Variants in KIF26B observed in about 807,000 individuals in gnomAD.
KIF26B encodes kinesin-like protein KIF26B.
Under a neutral mutation model 151.2 loss-of-function variants are expected in KIF26B, and 63 were observed. That is an observed-to-expected ratio of 0.42 (90% CI 0.34 to 0.51). The LOEUF is 0.51. Among genes scored for constraint, KIF26B ranks in the 20% least tolerant of loss-of-function variants. The pLI, the probability that KIF26B is intolerant of heterozygous loss-of-function variation, is 0.07. For missense variants in KIF26B, 2,813 were observed against 2,913.6 expected (o/e 0.97, Z 0.79); for synonymous variants, 1,357 against 1,262.1 (o/e 1.08, Z -1.59).
At chr1:245,319,905 C>T (rs561611820) in intron 2 of KIF26B, among the ~76,000 whole-genome samples, 1 of 152,282 alleles carries the variant, frequency 6.6e-6, no homozygotes, top group Admixed American at 6.5e-5. Context: ...GCTGTGGATT[C>T]CTTACGTGCG....
chr1:245,275,484 C>G (rs144171024), intron 2 of KIF26B, among the ~76,000 whole-genome samples: 22,521 of 152,128 alleles, frequency 0.15, 1,826 homozygotes, highest in African/African-American at 0.2. Flanking sequence ...AGTCTTTAAT[C>G]CATCTTGAGA....
chr1:245,611,962 G>T lies in KIF26B; in HGVS notation c.2084G>T (p.Ser695Ile), dbSNP rs370313704. 1.9e-6 allele frequency: 3 copies of T among 1,612,066 alleles called. No homozygotes were observed. The South Asian group carries it at 3.3e-5, about 18-fold the overall frequency. Residue 695 changes from serine to isoleucine, a missense_variant, in exon 9 of 15, where the codon AGC becomes ATC. Coordinates refer to ENST00000407071, the MANE Select transcript of KIF26B (RefSeq NM_018012.4). The part of the protein sequence containing the change: ...LHIYQYRMEK[S>I]GKGGMSGGRS... ...ATCTACCAGTACCGGATGGAGAAGAGCGGGAAAGGGGGAAGTAAGTCGGCC... is the reference window on the plus strand; with the variant it reads ...ATCTACCAGTACCGGATGGAGAAGATCGGGAAAGGGGGAAGTAAGTCGGCC...
intron 4 of KIF26B, among the ~76,000 whole-genome samples, chr1:245,422,071 G>A (rs1254958097): frequency 1.3e-5 from 2 of 152,100 alleles, no homozygotes; most frequent in Non-Finnish European, 2.9e-5. Context: ...ACTTCAGAAC[G>A]ACAAGGGCTT....
intron 4 of KIF26B, among the ~76,000 whole-genome samples, chr1:245,477,615 G>T (rs980614667): frequency 6.6e-6 from 1 of 151,824 alleles, no homozygotes; most frequent in Non-Finnish European, 1.5e-5. Flanking sequence ...GGAAGTGGGG[G>T]AGCTGAACCA....
Position 245,686,038 on chromosome 1 carries a change from C to T in KIF26B, c.3055C>T (p.Pro1019Ser). 1 of 1,594,814 alleles carries T rather than the reference C, an allele frequency of 6.3e-7. No individual in the cohort carries two copies. Among genetic ancestry groups the T allele is most frequent in the East Asian group, 2.3e-5 (1 of 43,630 alleles). ...PAAAPAHSPS[P>S]ASPRSVPGSS... ...CGCGGCACCCGCCCACAGCCCCAGC[C>T]CGGCCTCACCCAGGAGCGTCCCGGG... The change falls in exon 12 of 15, where the codon CCG (proline) becomes TCG (serine). Residue 1019 changes from proline to serine, a missense_variant. Physicochemically the swap from Pro to Ser is moderately conservative, Grantham distance 74 (BLOSUM62 -1). Coordinates refer to ENST00000407071, the MANE Select transcript of KIF26B (RefSeq NM_018012.4). The surrounding 1 kb of genome is among the most constrained non-coding windows in gnomAD (Gnocchi z 5.6).
intron 12 of KIF26B, among the ~76,000 whole-genome samples, chr1:245,695,297 C>T (rs1037348053): frequency 1.7e-4 from 26 of 152,276 alleles, no homozygotes; most frequent in African/African-American, 4.3e-4. Flanking sequence ...GCACCATCTC[C>T]GCCCCTGAAC....
chr1:245,435,676 C>T (rs1658912220), intron 4 of KIF26B, among the ~76,000 whole-genome samples: 1 of 152,172 alleles, frequency 6.6e-6, no homozygotes, highest in Admixed American at 6.5e-5. Flanking sequence ...GTAAGCTCAT[C>T]CATGTTGAAA....
chr1:245,243,435 C>CAT (rs112741378), intron 2 of KIF26B, among the ~76,000 whole-genome samples: 259 of 146,126 alleles, frequency 1.8e-3, no homozygotes, highest in African/African-American at 6.2e-3. Context: ...TATATACATA[C>CAT]ATATATATAT....
At chr1:245,401,690 G>A (rs1442573954) in intron 3 of KIF26B, among the ~76,000 whole-genome samples, 3 of 152,114 alleles carry the variant, frequency 2.0e-5, no homozygotes, top group African/African-American at 4.8e-5. Context: ...CCAACATGGT[G>A]AAACCCCATC....
At chr1:245,676,202 G>A (rs918285897) in intron 10 of KIF26B, 3 of 152,008 alleles carry the variant, frequency 2.0e-5, no homozygotes, top group Admixed American at 6.6e-5. Context: ...TTCTAATATC[G>A]TACCTGAGTG....
chr1:245,496,493 T>G (rs1431618798), intron 4 of KIF26B, among the ~76,000 whole-genome samples: 2 of 152,100 alleles, frequency 1.3e-5, no homozygotes, highest in Non-Finnish European at 2.9e-5. Flanking sequence ...GTATTAAAAC[T>G]CAGAATTTTA....
At chr1:245,356,107 GGGGCGTGGTGAGGTCACACTTTGA>G (rs1349290367) in intron 2 of KIF26B, among the ~76,000 whole-genome samples, 1 of 152,154 alleles carries the variant, frequency 6.6e-6, no homozygotes, top group African/African-American at 2.4e-5. Context: ...CTCTGCGCAG[GGGGCGTGGTGAGGTCACACTTTGA>G]GAAACAGGCC....
At chr1:245,193,477 A>C (rs2103534017) in intron 2 of KIF26B, among the ~76,000 whole-genome samples, 1 of 150,376 alleles carries the variant, frequency 6.6e-6, no homozygotes, top group South Asian at 2.1e-4. Flanking sequence ...TTTCCTTTTT[A>C]AATAAACCGG....
chr1:245,588,322 C>T (rs954985886), intron 5 of KIF26B, among the ~76,000 whole-genome samples: 7 of 152,198 alleles, frequency 4.6e-5, no homozygotes, highest in African/African-American at 1.7e-4. Flanking sequence ...CGTATTAGAA[C>T]TTACCATTCT....
At chr1:245,695,862 T>C (rs2044686924) in intron 12 of KIF26B, among the ~76,000 whole-genome samples, 1 of 56,422 alleles carries the variant, frequency 1.8e-5, no homozygotes, top group Non-Finnish European at 5.6e-5. Context: ...GGCACGGGTA[T>C]TGGCAGGACT....
At chr1:245,634,111 G>C (rs974553597) in intron 9 of KIF26B, among the ~76,000 whole-genome samples, 2 of 152,196 alleles carry the variant, frequency 1.3e-5, no homozygotes, top group Non-Finnish European at 1.5e-5. Context: ...ACCACACCCA[G>C]CCTTATGTTT....
At chr1:245,493,611 G>A (rs1660451863) in intron 4 of KIF26B, among the ~76,000 whole-genome samples, 3 of 152,164 alleles carry the variant, frequency 2.0e-5, no homozygotes, top group Admixed American at 2.0e-4. Context: ...AACAGATTCT[G>A]GCCTCAGCTG....
intron 5 of KIF26B, among the ~76,000 whole-genome samples, chr1:245,541,654 C>T (rs751873720): frequency 2.6e-5 from 4 of 152,154 alleles, no homozygotes; most frequent in African/African-American, 9.7e-5. Flanking sequence ...AAAGACGTGG[C>T]GGTTTAATTT....
chr1:245,219,466 C>T (rs1388936721), intron 2 of KIF26B, among the ~76,000 whole-genome samples: 1 of 152,046 alleles, frequency 6.6e-6, no homozygotes, highest in Non-Finnish European at 1.5e-5. Flanking sequence ...GGCGCGGTAG[C>T]TCATGCCTGT....
Sources: gnomAD v4.1 joint callset for allele counts (sites outside exome capture counted in the v4.1 genomes callset) on GRCh38, gnomAD v4.1.1 for gene constraint, Gnocchi (gnomAD v3.1) non-coding constraint, MANE v1.5 for transcripts, NCBI Gene and HGNC (gene_info 2026-07-23, HGNC 2026-07-21) for gene names.